Variants in MALRD1 observed in about 807,000 individuals in gnomAD.
MALRD1 encodes MAM and LDL-receptor class A domain-containing protein 1.
A neutral mutation model predicts 242.1 loss-of-function variants in MALRD1; 247 were observed. The observed-to-expected ratio is 1.02, with a 90% CI of 0.92 to 1.13. The LOEUF (loss-of-function observed/expected upper bound fraction) is 1.13. Ranked by LOEUF, MALRD1 falls within the 50% of genes most tolerant of loss-of-function variation. The pLI, the probability that MALRD1 is intolerant of heterozygous loss-of-function variation, is 0.00. For missense variants in MALRD1, 2,989 were observed against 2,533.1 expected (o/e 1.18, Z -3.86); for synonymous variants, 995 against 866.6 (o/e 1.15, Z -2.60).
chr10:19,708,787 G>A (rs1236218730), intron 38 of MALRD1, among the ~76,000 whole-genome samples: 1 of 121,858 alleles, frequency 8.2e-6, no homozygotes, highest in Non-Finnish European at 1.9e-5. Context: ...TCAGCCTCCC[G>A]AGTACCTGGG....
chr10:19,283,256 A>G, intron 21 of MALRD1, 75 bp downstream of exon 21: 1 of 1,239,536 alleles, frequency 8.1e-7, no homozygotes, highest in Non-Finnish European at 1.1e-6. Flanking sequence ...TGCCCCCACC[A>G]CCTTATCCTA....
chr10:19,526,477 G>A (rs1834105828), intron 31 of MALRD1, among the ~76,000 whole-genome samples: 2 of 151,884 alleles, frequency 1.3e-5, no homozygotes. Flanking sequence ...ATTTGCAATG[G>A]TGTCTTTTAA....
At chr10:19,542,228 C>T (rs1437774788) in intron 32 of MALRD1, among the ~76,000 whole-genome samples, 5 of 152,156 alleles carry the variant, frequency 3.3e-5, no homozygotes, top group East Asian at 1.9e-4. Flanking sequence ...TTGGAAGTCT[C>T]GGTCTGAAGC....
intron 1 of MALRD1, among the ~76,000 whole-genome samples, chr10:19,058,822 T>A (rs183315235): frequency 1.6e-4 from 25 of 152,134 alleles, no homozygotes; most frequent in Admixed American, 1.3e-3. Context: ...CCAATATTTT[T>A]AAAATAAAAT....
chr10:19,165,242 A>AATATATATATATATATATACATAT (rs1834626839), intron 12 of MALRD1, among the ~76,000 whole-genome samples: 1 of 69,814 alleles, frequency 1.4e-5, no homozygotes, highest in Non-Finnish European at 2.6e-5. Flanking sequence ...AGTTGTTTGG[A>AATATATATATATATATATACATAT]ATATATATAT....
At chr10:19,150,216 CTGTTTTTGTTTT>C (rs777997461) in intron 11 of MALRD1, among the ~76,000 whole-genome samples, 4 of 152,090 alleles carry the variant, frequency 2.6e-5, no homozygotes, top group Admixed American at 1.3e-4. Context: ...ATGCCTATGT[CTGTTTTTGTTTT>C]TGTTTTTGTT....
At chr10:19,453,148 A>C (rs927936233) in intron 29 of MALRD1, among the ~76,000 whole-genome samples, 1 of 152,212 alleles carries the variant, frequency 6.6e-6, no homozygotes, top group Non-Finnish European at 1.5e-5. Context: ...CCAACTTCAG[A>C]TCATAAACTA....
chr10:19,520,210 C>G (rs1374545411), intron 31 of MALRD1, among the ~76,000 whole-genome samples: 1 of 152,038 alleles, frequency 6.6e-6, no homozygotes, highest in Non-Finnish European at 1.5e-5. Flanking sequence ...AAAGCAAAAG[C>G]CTGTATTTGT....
At chr10:19,320,791 C>T (rs1024114710) in intron 21 of MALRD1, among the ~76,000 whole-genome samples, 1 of 152,028 alleles carries the variant, frequency 6.6e-6, no homozygotes, top group African/African-American at 2.4e-5. Context: ...GATGGTATCT[C>T]ATTGTGGTTT....
chr10:19,119,721 A>G (rs186417628), intron 5 of MALRD1, among the ~76,000 whole-genome samples: 6 of 152,326 alleles, frequency 3.9e-5, no homozygotes, highest in Admixed American at 6.5e-5. Context: ...TATAATTTCT[A>G]TTCTTGTGAC....
At chr10:19,087,762 T>A in intron 2 of MALRD1, 78 bp from the exon 3 acceptor site, 2 of 577,416 alleles carry the variant, frequency 3.5e-6, no homozygotes, top group Non-Finnish European at 5.1e-6. Flanking sequence ...ACTATAGTCA[T>A]CCCATTTTGC....
At chr10:19,713,833 G>A (rs187125770) in intron 38 of MALRD1, among the ~76,000 whole-genome samples, 1 of 152,340 alleles carries the variant, frequency 6.6e-6, no homozygotes, top group African/African-American at 2.4e-5. Context: ...TCTGGTCAAT[G>A]AGAAAGGGAT....
At chr10:19,312,548 A>G (rs192557750) in intron 21 of MALRD1, among the ~76,000 whole-genome samples, 55 of 151,352 alleles carry the variant, frequency 3.6e-4, no homozygotes, top group Non-Finnish European at 7.3e-4. Context: ...GTGAATACAC[A>G]TATATAGGAG....
chr10:19,391,944 C>G (rs1846356407), intron 28 of MALRD1, among the ~76,000 whole-genome samples: 2 of 152,308 alleles, frequency 1.3e-5, no homozygotes, highest in African/African-American at 2.4e-5. Flanking sequence ...TAGGACAACC[C>G]TTGCGAAGGG....
chr10:19,397,140 C>G (rs1007897683), intron 28 of MALRD1, among the ~76,000 whole-genome samples: 2 of 152,040 alleles, frequency 1.3e-5, no homozygotes, highest in African/African-American at 4.8e-5. Context: ...TTTTGAAATA[C>G]ATATTATTTT....
intron 28 of MALRD1, among the ~76,000 whole-genome samples, chr10:19,411,430 A>G (rs1833272524): frequency 6.6e-6 from 1 of 152,326 alleles, no homozygotes; most frequent in South Asian, 2.1e-4. Flanking sequence ...TAATGGAACA[A>G]TTAATGGTAC....
intron 28 of MALRD1, among the ~76,000 whole-genome samples, chr10:19,427,452 G>A (rs1303657590): frequency 1.3e-5 from 2 of 152,152 alleles, no homozygotes; most frequent in Non-Finnish European, 1.5e-5. Flanking sequence ...TATTGTTATT[G>A]CCATTTTAAA....
chr10:19,693,545 A>G (rs972950035), intron 38 of MALRD1, among the ~76,000 whole-genome samples: 1 of 152,196 alleles, frequency 6.6e-6, no homozygotes, highest in African/African-American at 2.4e-5. Context: ...TTCAAAGAGA[A>G]CTACAAACCA....
intron 18 of MALRD1, among the ~76,000 whole-genome samples, chr10:19,245,144 T>C (rs1404785721): frequency 7.9e-5 from 12 of 152,180 alleles, no homozygotes. Context: ...TGTTGAAATG[T>C]TGTCATTGAA....
Sources: allele counts gnomAD v4.1 joint callset (sites outside exome capture counted in the v4.1 genomes callset), GRCh38; gene constraint gnomAD v4.1.1; transcripts MANE v1.5; gene names NCBI Gene and HGNC (gene_info 2026-07-23, HGNC 2026-07-21).